DPP10: variants seen among roughly 807,000 people sequenced by gnomAD.
DPP10 encodes the protein inactive dipeptidyl peptidase 10.
Under a neutral mutation model 120.9 loss-of-function variants are expected in DPP10, and 33 were observed. The observed-to-expected ratio is 0.27, with a 90% CI of 0.21 to 0.37. The LOEUF (loss-of-function observed/expected upper bound fraction) is 0.37. Among genes scored for constraint, DPP10 ranks in the 10% least tolerant of loss-of-function variants. The pLI is 1.00. For missense variants in DPP10, 816 were observed against 942.8 expected, an observed-to-expected ratio of 0.87 and a Z score of 1.76; for synonymous variants, 337 against 326.1, an observed-to-expected ratio of 1.03 and a Z score of -0.36.
intron 1 of DPP10, among the ~76,000 whole-genome samples, chr2:114,500,501 A>G (rs1312008841): frequency 1.3e-5 from 2 of 152,234 alleles, no homozygotes; most frequent in African/African-American, 4.8e-5. Flanking sequence ...GTTAGATCAG[A>G]TTAGCCCCAG....
chr2:114,706,924 T>A (rs1054605637), intron 1 of DPP10, among the ~76,000 whole-genome samples: 1 of 151,664 alleles, frequency 6.6e-6, no homozygotes, highest in Non-Finnish European at 1.5e-5. Flanking sequence ...ATTTTCTTCA[T>A]CTAAGGAAAT....
intron 1 of DPP10, among the ~76,000 whole-genome samples, chr2:114,722,556 C>A (rs1488459282): frequency 1.3e-5 from 2 of 151,884 alleles, no homozygotes; most frequent in Admixed American, 6.6e-5. Context: ...GCGGGTGGAT[C>A]ATGAGATCAG....
In DPP10 at chr2:114,779,484, G is replaced by A. The variant is rs149472450; in HGVS notation, c.60+336646G>A. Among the ~76,000 whole-genome samples the A allele has an allele frequency of 6.6e-3, 1,008 of 152,154 alleles. 16 individuals carry two copies. Among genetic ancestry groups the A allele is most frequent in the African/African-American group, 0.023 (939 of 41,530 alleles). On this transcript the variant is annotated intron_variant, in intron 1 of 25. Transcript: ENST00000410059. ...GCAGAGGACTCCTGATTTTTCAGAGGACCTATTCCCGTCATATCTTATAAA... is the reference window on the plus strand; with the variant it reads ...GCAGAGGACTCCTGATTTTTCAGAGAACCTATTCCCGTCATATCTTATAAA...
At position 114,682,810 on chromosome 2, in the gene DPP10, A is replaced by G. The variant is rs1291455312; in HGVS notation, c.60+239972A>G. Among the ~76,000 whole-genome samples, 16 of 151,488 alleles carry G rather than the reference A, an allele frequency of 1.1e-4. No individual in the cohort carries two copies. The South Asian group carries it at 3.3e-3, about 32-fold the overall frequency. On this transcript the variant is annotated intron_variant, in intron 1 of 25. Transcript: ENST00000410059. ...TATCTATCTATCTATCTATCTATCT[A>G]TCTAGATATAGAATCACATATAGAT...
intron 3 of DPP10, among the ~76,000 whole-genome samples, chr2:115,377,929 A>T (rs2106442629): frequency 6.6e-6 from 1 of 152,190 alleles, no homozygotes; most frequent in East Asian, 1.9e-4. Context: ...TTTTGGTACC[A>T]GTACCATGCT....
At chr2:114,659,920 A>C (rs1230330232) in intron 1 of DPP10, among the ~76,000 whole-genome samples, 1 of 152,204 alleles carries the variant, frequency 6.6e-6, no homozygotes, top group Non-Finnish European at 1.5e-5. Flanking sequence ...GCCAGCAACC[A>C]CCTGAAGCCA....
chr2:114,852,510 T>C (rs541685729), intron 1 of DPP10, among the ~76,000 whole-genome samples: 2 of 152,292 alleles, frequency 1.3e-5, no homozygotes, highest in Middle Eastern at 6.8e-3. Context: ...TTTTATTATG[T>C]ATTATAAGTA....
chr2:115,626,770 A>G (rs932520556), intron 5 of DPP10, among the ~76,000 whole-genome samples: 1 of 152,180 alleles, frequency 6.6e-6, no homozygotes, highest in Non-Finnish European at 1.5e-5. Flanking sequence ...ACAAACTTCA[A>G]GCACATTTTC....
chr2:115,262,823 C>A lies in DPP10; in HGVS notation c.61-46416C>A, dbSNP rs142785703. 2.0e-3 allele frequency among the ~76,000 whole-genome samples: 300 copies of A among 152,232 alleles called. 1 individual carries two copies. The highest frequency in any genetic ancestry group is 7.0e-3 in the African/African-American group (290 of 41,544). ...TTCATGAATTATTTCTTCCCAAGAT[C>A]CCTACAAAGAAGTAAAACTCATTCA... On this transcript the variant is annotated intron_variant, in intron 1 of 25. Coordinates refer to ENST00000410059, the MANE Select transcript of DPP10 (RefSeq NM_020868.6).
chr2:115,275,414 A>G (rs2059871591), intron 1 of DPP10, among the ~76,000 whole-genome samples: 1 of 152,200 alleles, frequency 6.6e-6, no homozygotes, highest in African/African-American at 2.4e-5. Context: ...TCAGCACATG[A>G]TTAGGGTGCA....
intron 1 of DPP10, among the ~76,000 whole-genome samples, chr2:115,238,003 T>A (rs1005640858): frequency 4.6e-5 from 7 of 152,126 alleles, no homozygotes; most frequent in Non-Finnish European, 1.0e-4. Flanking sequence ...ATTGCTGAAG[T>A]TGGCCACACT....
chr2:115,120,996 A>T (rs573365077), intron 1 of DPP10, among the ~76,000 whole-genome samples: 3 of 152,314 alleles, frequency 2.0e-5, no homozygotes, highest in African/African-American at 7.2e-5. Flanking sequence ...AATACTTTAG[A>T]AGTTATTCTC....
intron 4 of DPP10, among the ~76,000 whole-genome samples, chr2:115,515,720 T>A (rs2077469608): frequency 1.3e-5 from 2 of 152,066 alleles, no homozygotes; most frequent in Admixed American, 1.3e-4. Flanking sequence ...AATGAATGAA[T>A]GTAAAGGAAG....
At chr2:114,588,251 C>T (rs1423761508) in intron 1 of DPP10, among the ~76,000 whole-genome samples, 1 of 152,168 alleles carries the variant, frequency 6.6e-6, no homozygotes, top group East Asian at 1.9e-4. Context: ...TAACTCATGA[C>T]ATCATTAGTA....
At chr2:114,644,632 G>T (rs767477528) in intron 1 of DPP10, among the ~76,000 whole-genome samples, 2 of 151,838 alleles carry the variant, frequency 1.3e-5, no homozygotes, top group Non-Finnish European at 2.9e-5. Flanking sequence ...TTACTGTGAA[G>T]CCAGGTTCAC....
intron 1 of DPP10, among the ~76,000 whole-genome samples, chr2:115,080,930 T>G (rs1708221114): frequency 6.6e-6 from 1 of 152,208 alleles, no homozygotes; most frequent in African/African-American, 2.4e-5. Flanking sequence ...ATTAAAGAGA[T>G]TATTCCACTA....
intron 4 of DPP10, among the ~76,000 whole-genome samples, chr2:115,510,824 G>T (rs879864074): frequency 6.6e-6 from 1 of 152,080 alleles, no homozygotes; most frequent in Non-Finnish European, 1.5e-5. Flanking sequence ...AAAAGAATGT[G>T]TTATATTTTT....
chr2:115,629,407 G>A (rs1028078728), intron 5 of DPP10, among the ~76,000 whole-genome samples: 1 of 151,948 alleles, frequency 6.6e-6, no homozygotes, highest in African/African-American at 2.4e-5. Context: ...TTCCACAATG[G>A]TTGAACTAGT....
At chr2:115,501,401 A>G (rs1285693118) in intron 4 of DPP10, among the ~76,000 whole-genome samples, 1 of 152,002 alleles carries the variant, frequency 6.6e-6, no homozygotes, top group Non-Finnish European at 1.5e-5. Flanking sequence ...ATCTCATATC[A>G]TTGTGGTTTT....
Sources: gnomAD v4.1 joint callset for allele counts (sites outside exome capture counted in the v4.1 genomes callset) on GRCh38, gnomAD v4.1.1 for gene constraint, MANE v1.5 for transcripts, NCBI Gene and HGNC (gene_info 2026-07-23, HGNC 2026-07-21) for gene names.